PTP4A3: variants seen among roughly 807,000 people sequenced by gnomAD.
PTP4A3 encodes protein tyrosine phosphatase type IVA 3.
PTP4A3 carries 9 observed loss-of-function variants against 15.2 expected under a neutral mutation model. That is an observed-to-expected ratio of 0.59 (90% confidence interval 0.36 to 1.03). PTP4A3 has a LOEUF of 1.03. Among genes scored for constraint, PTP4A3 ranks in the 50% least tolerant of loss-of-function variants. The pLI is 0.02. For missense variants in PTP4A3, 234 were observed against 252.1 expected (o/e 0.93, Z 0.49); for synonymous variants, 95 against 102.0 (o/e 0.93, Z 0.41).
intron 1 of PTP4A3, among the ~76,000 whole-genome samples, chr8:141,417,433 G>A (rs1446817366): frequency 1.3e-5 from 2 of 152,138 alleles, no homozygotes; most frequent in Non-Finnish European, 2.9e-5. Context: ...CTGAACTGGA[G>A]GGACTCGGGC....
chr8:141,394,452 G>A (rs2129761900), intron 1 of PTP4A3, among the ~76,000 whole-genome samples: 1 of 152,158 alleles, frequency 6.6e-6, no homozygotes, highest in East Asian at 1.9e-4. Context: ...CCTCCACCCT[G>A]GCCGCCCTTG....
chr8:141,414,064 G>A (rs1037319135), intron 1 of PTP4A3, among the ~76,000 whole-genome samples: 15 of 64,704 alleles, frequency 2.3e-4, no homozygotes, highest in Non-Finnish European at 3.8e-4. Context: ...TCTGTGGCGT[G>A]TGTGTGTGTG....
chr8:141,392,205 G>A (rs1209768398), intron 1 of PTP4A3, 121 bp downstream of exon 1: 1 of 150,372 alleles, frequency 6.7e-6, no homozygotes, highest in East Asian at 1.9e-4. Flanking sequence ...CCGCGCAGCC[G>A]GGAGGGCCGC....
At chr8:141,420,152 G>C (rs1395093709) in intron 1 of PTP4A3, among the ~76,000 whole-genome samples, 3 of 152,198 alleles carry the variant, frequency 2.0e-5, no homozygotes, top group Non-Finnish European at 4.4e-5. Flanking sequence ...AGAGGGGGTG[G>C]GTTGGGGAAT....
chr8:141,431,424 G>T lies in PTP4A3; in HGVS notation c.*380G>T, dbSNP rs185215939. 7.7e-5 allele frequency: 20 copies of T among 258,474 alleles called. No homozygotes were observed. The highest frequency in any genetic ancestry group is 1.4e-4 in the Non-Finnish European group (19 of 135,768). The allele number at this position is 258,474 out of a possible 1,614,324, so 16.0% of individuals were successfully genotyped here. ...ACTGGGCCCCCAGCCCCTCTTTTGC[G>T]ACCCCTTGTCCTGACCTGTTCTCGG... is the stretch of plus-strand genomic sequence containing the variant. On this transcript the variant is annotated 3_prime_UTR_variant, in exon 6 of 6. Coordinates refer to ENST00000521578, the MANE Select transcript of PTP4A3 (RefSeq NM_032611.3).
intron 1 of PTP4A3, among the ~76,000 whole-genome samples, chr8:141,396,758 T>G (rs1340259311): frequency 1.3e-5 from 2 of 152,202 alleles, no homozygotes; most frequent in African/African-American, 4.8e-5. Flanking sequence ...TCATGTCACC[T>G]TCTGAGTCTC....
intron 4 of PTP4A3, among the ~76,000 whole-genome samples, chr8:141,427,436 A>AC (rs146155418): frequency 0.033 from 5,021 of 152,272 alleles, 269 homozygotes; most frequent in African/African-American, 0.11. Flanking sequence ...GACCAGTGGG[A>AC]CACCCCCATC....
rs115777108 is a variant in PTP4A3 at position 141,424,994 on chromosome 8, C to T, written c.106-54C>T. 2.4e-3 allele frequency: 3,493 copies of T among 1,485,300 alleles called. 67 individuals are homozygous for T. The African/African-American group carries it at 0.036, about 15-fold the overall frequency. 92.0% of individuals were successfully genotyped at this position (1,485,300 alleles called of 1,614,324 possible). On this transcript the variant is annotated intron_variant, in intron 2 of 5. Coordinates refer to ENST00000521578, the MANE Select transcript of PTP4A3 (RefSeq NM_032611.3). ...GAGCCCTGGTGAGTGGGTCCTGCCC[C>T]CTGAGCCCTGCAGCCCCAGCCCAGC...
intron 1 of PTP4A3, among the ~76,000 whole-genome samples, chr8:141,405,724 G>T (rs1832703998): frequency 6.6e-6 from 1 of 152,050 alleles, no homozygotes; most frequent in Admixed American, 6.6e-5. Context: ...TTGCCAGAAG[G>T]GGGACAGATG....
chr8:141,396,711 G>A (rs1314678771), intron 1 of PTP4A3, among the ~76,000 whole-genome samples: 1 of 152,186 alleles, frequency 6.6e-6, no homozygotes, highest in Non-Finnish European at 1.5e-5. Context: ...GGGAGACGGT[G>A]GCCTCGGGAA....
In PTP4A3 at chr8:141,431,260, C is replaced by T. The variant is rs180983858; in HGVS notation, c.*216C>T. On this transcript the variant is annotated 3_prime_UTR_variant, in exon 6 of 6. Coordinates refer to ENST00000521578, the MANE Select transcript of PTP4A3 (RefSeq NM_032611.3). ...GCCTCTGGGCCCTTTCTCCTGTCTC[C>T]GCCACTCCCTCTGGCGGCGCTGGCC... The T allele has an allele frequency of 1.2e-3, 715 of 578,608 alleles. 1 individual carries two copies. The highest frequency in any genetic ancestry group is 0.012 in the African/African-American group (631 of 53,382). The allele number at this position is 578,608 out of a possible 1,614,324, so 35.8% of individuals were successfully genotyped here.
At chr8:141,417,798 G>A (rs1833119936) in intron 1 of PTP4A3, among the ~76,000 whole-genome samples, 1 of 151,976 alleles carries the variant, frequency 6.6e-6, no homozygotes, top group Non-Finnish European at 1.5e-5. Context: ...GGCAGGGCGC[G>A]GCTATATTTA....
chr8:141,417,990 A>G (rs1242373976), intron 1 of PTP4A3, among the ~76,000 whole-genome samples: 2 of 151,898 alleles, frequency 1.3e-5, no homozygotes, highest in Non-Finnish European at 2.9e-5. Flanking sequence ...GCCGGCGCGT[A>G]TGGAGGCGGT....
intron 1 of PTP4A3, among the ~76,000 whole-genome samples, chr8:141,420,264 T>A (rs891898134): frequency 2.0e-5 from 3 of 152,120 alleles, no homozygotes; most frequent in Non-Finnish European, 4.4e-5. Context: ...CTGGAGAGTC[T>A]GCTAACAGCT....
chr8:141,427,930 C>A, intron 5 of PTP4A3, 106 bp downstream of exon 5: 2 of 1,102,844 alleles, frequency 1.8e-6, no homozygotes, highest in South Asian at 1.5e-5. Flanking sequence ...CGCTCTGAGG[C>A]TGCGTCGATC....
At chr8:141,417,432 AGGGACTC>A (rs796347540) in intron 1 of PTP4A3, among the ~76,000 whole-genome samples, 4 of 152,054 alleles carry the variant, frequency 2.6e-5, no homozygotes, top group African/African-American at 9.6e-5. Context: ...TCTGAACTGG[AGGGACTC>A]GGGCGCCCTC....
At chr8:141,392,805 G>A (rs1045239284) in intron 1 of PTP4A3, among the ~76,000 whole-genome samples, 3 of 152,320 alleles carry the variant, frequency 2.0e-5, no homozygotes, top group Admixed American at 6.5e-5. Context: ...GGTTCCCGGA[G>A]GGAAGCCCTT....
In PTP4A3 at chr8:141,431,292, C is replaced by T; in HGVS notation, c.*248C>T. 1 of 557,198 alleles carries T rather than the reference C, an allele frequency of 1.8e-6. No individual in the cohort carries two copies. The highest frequency in any genetic ancestry group is 4.8e-4 in the Middle Eastern group (1 of 2,104). 34.5% of individuals were successfully genotyped at this position (557,198 alleles called of 1,614,324 possible). On this transcript the variant is annotated 3_prime_UTR_variant, in exon 6 of 6. Transcript: ENST00000521578. ...CCCTCTGGCGGCGCTGGCCGTGGCT[C>T]TGTCTCTCTGAGGTGGGTCGGGCGC...
chr8:141,413,710 G>A (rs1832931944), intron 1 of PTP4A3, among the ~76,000 whole-genome samples: 1 of 152,242 alleles, frequency 6.6e-6, no homozygotes, highest in Non-Finnish European at 1.5e-5. Flanking sequence ...GCATGTTACA[G>A]ACGCCATGGC....
Sources: gnomAD v4.1 joint callset for allele counts (sites outside exome capture counted in the v4.1 genomes callset) on GRCh38, gnomAD v4.1.1 for gene constraint, MANE v1.5 for transcripts, NCBI Gene and HGNC (gene_info 2026-07-23, HGNC 2026-07-21) for gene names.